Variants in LIN28B observed in about 807,000 individuals in gnomAD.
LIN28B encodes the protein lin-28 RNA binding posttranscriptional regulator B, also known as protein lin-28 homolog B.
LIN28B carries 5 observed loss-of-function variants against 21.9 expected under a neutral mutation model. The ratio of observed to expected loss-of-function variants is 0.23; its 90% CI spans 0.12 to 0.48. The LOEUF (loss-of-function observed/expected upper bound fraction) is 0.48, where lower values mean the gene tolerates loss of function less well. Among genes scored for constraint, LIN28B ranks in the 20% least tolerant of loss-of-function variants. The probability of loss-of-function intolerance (pLI) is 0.98; values close to 1 mark genes in which losing one functional copy is unlikely to be tolerated. For missense variants in LIN28B, 245 were observed against 310.5 expected (o/e 0.79, Z 1.58); for synonymous variants, 109 against 111.3 (o/e 0.98, Z 0.13).
At chr6:105,010,079 A>G (rs1582893545) in intron 2 of LIN28B, among the ~76,000 whole-genome samples, 1 of 152,290 alleles carries the variant, frequency 6.6e-6, no homozygotes, top group South Asian at 2.1e-4. Context: ...AGTTCCATGC[A>G]CATGCCATTC....
intron 2 of LIN28B, among the ~76,000 whole-genome samples, chr6:105,022,965 A>G (rs1451768416): frequency 1.3e-5 from 2 of 151,732 alleles, no homozygotes; most frequent in African/African-American, 4.8e-5. Context: ...ACAAGATTCC[A>G]TAAATGGTTT....
chr6:105,061,191 C>T (rs1054851544), intron 3 of LIN28B, among the ~76,000 whole-genome samples: 1 of 151,848 alleles, frequency 6.6e-6, no homozygotes, highest in Non-Finnish European at 1.5e-5. Context: ...ACTAAGTTAC[C>T]CTGCAATTTG....
intron 2 of LIN28B, among the ~76,000 whole-genome samples, chr6:104,971,102 A>G (rs890645435): frequency 1.3e-5 from 2 of 152,160 alleles, no homozygotes; most frequent in African/African-American, 2.4e-5. Context: ...GTGTCCAAAT[A>G]ATAACTAAAA....
intron 3 of LIN28B, among the ~76,000 whole-genome samples, chr6:105,031,028 G>C (rs529482264): frequency 9.2e-5 from 14 of 151,908 alleles, no homozygotes; most frequent in Middle Eastern, 6.8e-3. Context: ...AAGTATGGCC[G>C]CCAAACATGT....
At chr6:104,956,984 G>A (rs1778299029), upstream of LIN28B, 6 of 948,878 alleles carry the variant, frequency 6.3e-6, no homozygotes, top group Non-Finnish European at 8.8e-6. Context: ...ATGGCGATTG[G>A]TTATCTCTTC....
chr6:105,058,343 AT>A (rs1333741795), intron 3 of LIN28B, among the ~76,000 whole-genome samples: 1 of 152,190 alleles, frequency 6.6e-6, no homozygotes, highest in Non-Finnish European at 1.5e-5. Context: ...ACTACTTTTC[AT>A]TGGTCTTTAC....
intron 2 of LIN28B, among the ~76,000 whole-genome samples, chr6:104,995,545 T>G (rs996092777): frequency 2.0e-5 from 3 of 152,054 alleles, no homozygotes; most frequent in Non-Finnish European, 2.9e-5. Context: ...GTTATAGATA[T>G]GGGAATCATC....
intron 1 of LIN28B, 35 bp from the exon 2 acceptor site, chr6:104,958,064 A>C (rs1258296479): frequency 6.8e-7 from 1 of 1,472,736 alleles, no homozygotes; most frequent in Non-Finnish European, 9.2e-7. Context: ...TTGAATGGGA[A>C]TACAGACTGA....
chr6:104,996,900 A>G (rs1318380499), intron 2 of LIN28B, among the ~76,000 whole-genome samples: 2 of 152,080 alleles, frequency 1.3e-5, no homozygotes, highest in Admixed American at 1.3e-4. Context: ...TAGGAAGATC[A>G]CTTCACCCCA....
intron 1 of LIN28B, 91 bp downstream of exon 1, chr6:104,957,351 C>CT (rs77092975): frequency 3.6e-6 from 3 of 834,954 alleles, no homozygotes; most frequent in Admixed American, 2.4e-5. Flanking sequence ...ACCGTCCCCC[C>CT]CTTCCCCTTT....
intron 3 of LIN28B, among the ~76,000 whole-genome samples, chr6:105,066,197 T>C (rs745399367): frequency 1.1e-4 from 17 of 152,062 alleles, no homozygotes; most frequent in Non-Finnish European, 2.4e-4. Context: ...AGTTAGTAAG[T>C]AGGAAGTGCT....
rs986191614 is a variant in LIN28B at position 104,972,121 on chromosome 6, C to T, written c.198+13835C>T. Among the ~76,000 whole-genome samples the T allele has an allele frequency of 2.6e-5, 4 of 152,050 alleles. No homozygotes were observed. In the South Asian group the frequency reaches 6.2e-4, roughly 24 times the overall value. On this transcript the variant is annotated intron_variant, in intron 2 of 3. Transcript: ENST00000345080. ...GAGTATCTGGGACTACAGGTGCACG[C>T]CACCACACCTGGCTGATTTTTGTAT... is the stretch of plus-strand genomic sequence containing the variant.
intron 2 of LIN28B, among the ~76,000 whole-genome samples, chr6:104,973,101 ACT>A (rs1200208043): frequency 6.7e-6 from 1 of 148,916 alleles, no homozygotes; most frequent in Non-Finnish European, 1.5e-5. Context: ...ATAGAGTGAC[ACT>A]CTGTCTCAAA....
chr6:105,072,690 C>G (rs890669528), intron 3 of LIN28B, among the ~76,000 whole-genome samples: 1 of 152,036 alleles, frequency 6.6e-6, no homozygotes, highest in African/African-American at 2.4e-5. Context: ...GGAAAACATA[C>G]TTAAATAAAA....
chr6:105,023,288 A>AAT (rs1303062021), intron 2 of LIN28B, among the ~76,000 whole-genome samples: 1 of 34,362 alleles, frequency 2.9e-5, no homozygotes, highest in African/African-American at 1.1e-4. Context: ...ATATATAAAT[A>AAT]ATATATATAT....
intron 3 of LIN28B, among the ~76,000 whole-genome samples, chr6:105,036,194 T>A (rs1000321729): frequency 2.6e-5 from 4 of 152,162 alleles, no homozygotes; most frequent in African/African-American, 9.7e-5. Context: ...TGTAAGAAAT[T>A]CCCCACAACT....
intron 2 of LIN28B, among the ~76,000 whole-genome samples, chr6:104,978,357 G>C (rs999873774): frequency 6.6e-6 from 1 of 152,144 alleles, no homozygotes; most frequent in Non-Finnish European, 1.5e-5. Flanking sequence ...AAGATGAGAT[G>C]GTATTAAATG....
intron 2 of LIN28B, chr6:104,950,424 A>C: frequency 4.5e-6 from 5 of 1,122,964 alleles, no homozygotes; most frequent in South Asian, 4.5e-5. Flanking sequence ...TTAAATAGGC[A>C]ATTAATGTAG....
chr6:104,994,108 C>T (rs1318091947), intron 2 of LIN28B, among the ~76,000 whole-genome samples: 1 of 152,058 alleles, frequency 6.6e-6, no homozygotes. Context: ...AGGTTCATGC[C>T]ATTCTCCTGC....
Sources: allele counts gnomAD v4.1 joint callset (sites outside exome capture counted in the v4.1 genomes callset), GRCh38; gene constraint gnomAD v4.1.1; transcripts MANE v1.5; gene names NCBI Gene and HGNC (gene_info 2026-07-23, HGNC 2026-07-21).